SCAF4: variants seen among roughly 807,000 people sequenced by gnomAD.
SCAF4 encodes SR-related CTD associated factor 4.
Under a neutral mutation model 129.8 loss-of-function variants are expected in SCAF4, and 25 were observed. The ratio of observed to expected loss-of-function variants is 0.19; its 90% CI spans 0.14 to 0.27. The LOEUF is 0.27. Ranked by LOEUF, SCAF4 falls within the 10% of genes least tolerant of loss-of-function variation. SCAF4 has a pLI of 1.00. For missense variants in SCAF4, 1,246 were observed against 1,457.1 expected, an observed-to-expected ratio of 0.86 and a Z score of 2.36; for synonymous variants, 551 against 497.7, an observed-to-expected ratio of 1.11 and a Z score of -1.43.
In SCAF4 at chr21:31,671,963, CTGT is replaced by C. The variant is rs769564932; in HGVS notation, c.2877_2879del (p.Gln966del). The C allele has an allele frequency of 9.2e-4, 1,475 of 1,601,076 alleles. 3 individuals carry two copies. Among genetic ancestry groups the C allele is most frequent in the Non-Finnish European group, 1.1e-3 (1,285 of 1,168,702 alleles). ...GTGGTGGCTGCTGCTGCTGCTGCTG[CTGT>C]GGTTGCTGGGGCGCCTGCGGCTGTG... is the stretch of plus-strand genomic sequence containing the variant. On this transcript the variant is annotated inframe_deletion, in exon 20 of 20. Transcript: ENST00000286835.
At chr21:31,721,193 G>A (rs1034559575) in intron 1 of SCAF4, among the ~76,000 whole-genome samples, 1 of 151,970 alleles carries the variant, frequency 6.6e-6, no homozygotes, top group Admixed American at 6.6e-5. Context: ...TGTCTCTACG[G>A]GTTTGCTTTA....
At chr21:31,709,789 G>A (rs2050756213) in intron 1 of SCAF4, among the ~76,000 whole-genome samples, 1 of 149,106 alleles carries the variant, frequency 6.7e-6, no homozygotes, top group African/African-American at 2.5e-5. Context: ...TAAGTGATAT[G>A]TTGTATTTTT....
rs1444394690 is a variant in SCAF4, at chr21:31,696,656, G to A, written c.872C>T (p.Ala291Val). 3 of 1,614,104 alleles carry A rather than the reference G, an allele frequency of 1.9e-6. No individual in the cohort carries two copies. The highest frequency in any genetic ancestry group is 1.7e-5 in the Admixed American group (1 of 60,020). ...DTTAVTTTAP[A>V]AAVPPAPTAT... ...GGTGGGTGCAGGGGGTACTGCGGCA[G>A]CAGGTGCTGTCGTGGTGACGGCAGT... Residue 291 changes from alanine (A) to valine (V), a missense_variant, in exon 8 of 20, where the codon GCT becomes GTT. Ala to Val is a moderately conservative substitution (Grantham distance 64). This residue lies in a region of SCAF4 where 236 missense variants were observed against 210.0 expected (regional missense o/e 1.12). Coordinates refer to ENST00000286835, the MANE Select transcript of SCAF4 (RefSeq NM_020706.2).
intron 1 of SCAF4, among the ~76,000 whole-genome samples, chr21:31,716,470 CTCTT>C (rs2050921743): frequency 6.6e-6 from 1 of 152,086 alleles, no homozygotes. Flanking sequence ...GTCTTTCCTC[CTCTT>C]TCATACTCAA....
At chr21:31,681,058 T>C (rs892623090) in intron 19 of SCAF4, among the ~76,000 whole-genome samples, 1 of 152,220 alleles carries the variant, frequency 6.6e-6, no homozygotes, top group African/African-American at 2.4e-5. Flanking sequence ...AGCACACCAC[T>C]GCCTAGTAAT....
chr21:31,707,049 C>T (rs2123610967), intron 1 of SCAF4, among the ~76,000 whole-genome samples: 1 of 152,224 alleles, frequency 6.6e-6, no homozygotes, highest in South Asian at 2.1e-4. Flanking sequence ...TAAAATCATT[C>T]ACTGGTTGTT....
chr21:31,701,030 A>G lies in SCAF4; in HGVS notation c.742T>C (p.Phe248Leu). 1 of 1,614,102 alleles carries G rather than the reference A, an allele frequency of 6.2e-7. No homozygotes were observed. The highest frequency in any genetic ancestry group is 8.5e-7 in the Non-Finnish European group (1 of 1,180,006). Reference protein sequence around the residue: ...PTQPSEQKAAFPPPEQKTAFD... With the variant: ...PTQPSEQKAALPPPEQKTAFD... Reference sequence around the variant, plus strand: ...GCAGTTTTCTGTTCAGGTGGGGGGAAAGCAGCTTTTTGTTCAGATGGTTGT... The same window carrying G: ...GCAGTTTTCTGTTCAGGTGGGGGGAGAGCAGCTTTTTGTTCAGATGGTTGT... Residue 248 changes from phenylalanine (F) to leucine (L), a missense_variant, in exon 7 of 20, where the codon TTC becomes CTC. Coordinates refer to ENST00000286835, the MANE Select transcript of SCAF4 (RefSeq NM_020706.2).
At chr21:31,713,829 T>C (rs2050862353) in intron 1 of SCAF4, among the ~76,000 whole-genome samples, 1 of 152,014 alleles carries the variant, frequency 6.6e-6, no homozygotes, top group Non-Finnish European at 1.5e-5. Context: ...TAGATACACA[T>C]AAGTATTATA....
At chr21:31,706,608 G>T in intron 1 of SCAF4, 1 of 470,340 alleles carries the variant, frequency 2.1e-6, no homozygotes, top group Non-Finnish European at 3.8e-6. Context: ...GTGAAATGAA[G>T]GAAGAGCCCA....
intron 1 of SCAF4, among the ~76,000 whole-genome samples, chr21:31,708,975 T>G: frequency 6.6e-6 from 1 of 152,332 alleles, no homozygotes; most frequent in South Asian, 2.1e-4. Context: ...AAGAAACTTA[T>G]GTCAAAGTAG....
At chr21:31,707,245 C>T (rs1440675263) in intron 1 of SCAF4, among the ~76,000 whole-genome samples, 1 of 152,134 alleles carries the variant, frequency 6.6e-6, no homozygotes, top group African/African-American at 2.4e-5. Context: ...CCCAGCTACT[C>T]AGGAGGCTGA....
intron 6 of SCAF4, among the ~76,000 whole-genome samples, chr21:31,701,435 C>A (rs930938512): frequency 1.3e-5 from 2 of 152,008 alleles, no homozygotes; most frequent in Admixed American, 6.6e-5. Context: ...GAATTGTGAA[C>A]AAAGTAAGCA....
intron 1 of SCAF4, among the ~76,000 whole-genome samples, chr21:31,713,392 T>G (rs1275403494): frequency 6.6e-6 from 1 of 152,150 alleles, no homozygotes; most frequent in Non-Finnish European, 1.5e-5. Flanking sequence ...TTTAGTTAAG[T>G]CTAAGAATTA....
At chr21:31,675,772 C>T (rs1394198318) in intron 19 of SCAF4, among the ~76,000 whole-genome samples, 2 of 151,866 alleles carry the variant, frequency 1.3e-5, no homozygotes, top group Non-Finnish European at 2.9e-5. Context: ...TATGACGATC[C>T]AAAAAACAGT....
rs751943000 is a variant in SCAF4 at position 31,696,691 on chromosome 21, T to C, written c.837A>G (p.Lys279=). The part of the protein sequence containing the change: ...DEPEAVEESK[K]EDTTAVTTTA... ...TCGTGGTGACGGCAGTGGTATCCTC[T>C]TTCTTTGATTCTTCCACAGCTTCTG... The change falls in exon 8 of 20, where the codon AAA becomes AAG. Residue 279 remains lysine, a synonymous_variant. Transcript: ENST00000286835. 6.2e-7 allele frequency: 1 copy of C among 1,613,990 alleles called. No homozygotes were observed. The highest frequency in any genetic ancestry group is 1.1e-5 in the South Asian group (1 of 91,080).
At chr21:31,688,931 T>A (rs2050192764) in intron 15 of SCAF4, among the ~76,000 whole-genome samples, 1 of 152,228 alleles carries the variant, frequency 6.6e-6, no homozygotes, top group South Asian at 2.1e-4. Context: ...TATTAAAGAA[T>A]AACTTAAACT....
Position 31,671,828 on chromosome 21 carries a change from A to G in SCAF4, c.3015T>C (p.Phe1005=), listed in dbSNP as rs1423128803. 2 of 1,614,052 alleles carry G rather than the reference A, an allele frequency of 1.2e-6. No individual in the cohort carries two copies. The highest frequency in any genetic ancestry group is 1.3e-5 in the African/African-American group (1 of 74,994). The change falls in exon 20 of 20, where the codon TTT becomes TTC. Residue 1005 remains phenylalanine, a synonymous_variant. Transcript: ENST00000286835. The stretch of plus-strand genomic sequence containing the variant: ...CCCGGTCATTTTCCACCCTATTTCC[A>G]AAAGATCTTCTTCCAAACCTTTCTT... The part of the protein sequence containing the change: ...RDQERFGRRS[F]GNRVENDRER...
At chr21:31,719,805 T>C (rs925363814) in intron 1 of SCAF4, among the ~76,000 whole-genome samples, 2 of 152,100 alleles carry the variant, frequency 1.3e-5, no homozygotes, top group African/African-American at 2.4e-5. Flanking sequence ...CGCCTGGCCA[T>C]GTATTCTTCA....
chr21:31,714,250 C>G (rs1475505764), intron 1 of SCAF4, among the ~76,000 whole-genome samples: 1 of 152,054 alleles, frequency 6.6e-6, no homozygotes, highest in Non-Finnish European at 1.5e-5. Flanking sequence ...TGCAGAGCTC[C>G]CCCAACATTA....
Sources: gnomAD v4.1 joint callset for allele counts (sites outside exome capture counted in the v4.1 genomes callset) on GRCh38, gnomAD v4.1.1 for gene constraint, gnomAD v4.1.1 regional missense constraint, MANE v1.5 for transcripts, NCBI Gene and HGNC (gene_info 2026-07-23, HGNC 2026-07-21) for gene names.